The following CR1 variants were observed in gnomAD, a reference collection of about 807,000 sequenced individuals.
The protein encoded by CR1 is complement C3b/C4b receptor 1 (Knops blood group).
A neutral mutation model predicts 187.3 loss-of-function variants in CR1; 116 were observed. That is an observed-to-expected ratio of 0.62 (90% CI 0.53 to 0.72). The LOEUF (loss-of-function observed/expected upper bound fraction) is 0.72. Among genes scored for constraint, CR1 ranks in the 30% least tolerant of loss-of-function variants. CR1 has a pLI of 0.00. For missense variants in CR1, 1,731 were observed against 2,110.7 expected, an observed-to-expected ratio of 0.82 and a Z score of 3.52; for synonymous variants, 576 against 747.1, an observed-to-expected ratio of 0.77 and a Z score of 3.73.
chr1:207,637,205 T>C (rs1482641204), intron 46 of CR1, among the ~76,000 whole-genome samples: 1 of 152,118 alleles, frequency 6.6e-6, no homozygotes, highest in African/African-American at 2.4e-5. Flanking sequence ...AGACTGTAAT[T>C]TTTTAGCTTA....
chr1:207,596,263 A>G (rs558605715), intron 35 of CR1, among the ~76,000 whole-genome samples: 2 of 152,184 alleles, frequency 1.3e-5, no homozygotes, highest in South Asian at 4.1e-4. Flanking sequence ...TCTTTCTAAT[A>G]TAATAAATAT....
rs750106511 is a variant in CR1 at position 207,564,227 on chromosome 1, G to A, written c.3859G>A (p.Asp1287Asn). 6.4e-7 allele frequency: 1 copy of A among 1,555,058 alleles called. No individual in the cohort carries two copies. Among genetic ancestry groups the A allele is most frequent in the Non-Finnish European group, 8.7e-7 (1 of 1,152,142 alleles). The change falls in exon 23 of 47, where the codon GAT becomes AAT. Residue 1287 changes from aspartate (D) to asparagine (N), a missense_variant. Transcript: ENST00000367049. Reference sequence around the variant, plus strand: ...TGGAGCAAAAGTGGATTTTGTTTGTGATGAAGGGTGAGTATGAGCTTGCCT... The same window carrying A: ...TGGAGCAAAAGTGGATTTTGTTTGTAATGAAGGGTGAGTATGAGCTTGCCT... ...QLGAKVDFVC[D>N]EGFQLKGSSA... is the part of the protein sequence containing the mutation.
At chr1:207,575,860 C>CTT (rs376519988) in intron 28 of CR1, among the ~76,000 whole-genome samples, 180 bp downstream of exon 28, 1 of 150,480 alleles carries the variant, frequency 6.6e-6, no homozygotes, top group African/African-American at 2.4e-5. Flanking sequence ...CCTAGAAATG[C>CTT]TTTTTTTTTT....
intron 23 of CR1, 134 bp from the exon 24 acceptor site, chr1:207,565,704 G>A: frequency 8.6e-7 from 1 of 1,162,910 alleles, no homozygotes; most frequent in African/African-American, 1.6e-5. Context: ...TCCAGAATAA[G>A]GTAGCCTGTG....
In CR1 at chr1:207,497,299, A is replaced by G. The variant is rs1659118961; in HGVS notation, c.121+911A>G. 2.0e-5 allele frequency among the ~76,000 whole-genome samples: 3 copies of G among 152,298 alleles called. No individual in the cohort carries two copies. In the South Asian group the frequency reaches 6.2e-4, roughly 32 times the overall value. ...ATCTCTTCCTTTTTCTTAACTTCAA[A>G]TAGGTAAACATCTTCAGTTAGAACC... On this transcript the variant is annotated intron_variant, in intron 1 of 46. Transcript: ENST00000367049.
In CR1 at chr1:207,577,825, C is replaced by T. The variant is rs756968920; in HGVS notation, c.4558C>T (p.Pro1520Ser). The change falls in exon 29 of 47, where the codon CCA (proline) becomes TCA (serine). Residue 1520 changes from proline (P) to serine (S), a missense_variant. This residue lies in a region of CR1 where 1,312 missense variants were observed against 1,379.6 expected (regional missense o/e 0.95). Transcript: ENST00000367049. The stretch of plus-strand genomic sequence containing the variant: ...TCCAGGAATTCCTTGTGGGCTACCC[C>T]CAACCATCGCCAATGGAGATTTCAT... ...ICQRIPCGLP[P>S]TIANGDFIST... 1.9e-6 allele frequency: 3 copies of T among 1,613,752 alleles called. No individual in the cohort carries two copies. Among genetic ancestry groups the T allele is most frequent in the African/African-American group, 2.7e-5 (2 of 74,900 alleles).
chr1:207,624,825 T>A (rs897433828), intron 45 of CR1, among the ~76,000 whole-genome samples: 4 of 152,194 alleles, frequency 2.6e-5, no homozygotes, highest in Non-Finnish European at 4.4e-5. Flanking sequence ...GTTAATTTTT[T>A]AAAAAATTAC....
intron 43 of CR1, among the ~76,000 whole-genome samples, chr1:207,620,360 G>T (rs1452805350): frequency 6.6e-6 from 1 of 152,200 alleles, no homozygotes; most frequent in Admixed American, 6.5e-5. Context: ...AATGTTTTCA[G>T]CATGAGTTAG....
rs6675414 is a variant in CR1, at chr1:207,513,780, C to T, written c.487+2126C>T. ...CCTCCCTCCCTTCCTTCCTTCCTTC[C>T]TTCTTTCCTTCCTTCCTTCCTTCCT... On this transcript the variant is annotated intron_variant, in intron 4 of 46. Coordinates refer to ENST00000367049, the MANE Select transcript of CR1 (RefSeq NM_000651.6). Among the ~76,000 whole-genome samples the T allele has an allele frequency of 1.2e-3, 151 of 123,362 alleles. 1 individual carries two copies. The highest frequency in any genetic ancestry group is 4.5e-3 in the African/African-American group (140 of 30,810). The allele number at this position is 123,362 out of a possible 152,430, so 80.9% of individuals were successfully genotyped here.
intron 45 of CR1, among the ~76,000 whole-genome samples, chr1:207,626,906 C>G (rs1302724787): frequency 6.6e-6 from 1 of 152,130 alleles, no homozygotes; most frequent in Non-Finnish European, 1.5e-5. Context: ...GGTGTAGTGG[C>G]ACATGCCTGT....
In CR1 at chr1:207,639,643, GT is replaced by G. The variant is rs1317302671; in HGVS notation, c.*235del. The stretch of plus-strand genomic sequence containing the variant: ...TTCTGCCTCGTGCTAAACGCACACA[GT>G]ATCTAGTCAGGGGAAAAGACTGCAT... On this transcript the variant is annotated 3_prime_UTR_variant, in exon 47 of 47. Coordinates refer to ENST00000367049, the MANE Select transcript of CR1 (RefSeq NM_000651.6). 28 of 471,240 alleles carry G rather than the reference GT, an allele frequency of 5.9e-5. No homozygotes were observed. Among genetic ancestry groups the G allele is most frequent in the Non-Finnish European group, 3.8e-6 (1 of 263,496 alleles). 29.2% of individuals were successfully genotyped at this position (471,240 alleles called of 1,614,324 possible).
chr1:207,580,915 A>T (rs1296072958), intron 31 of CR1, among the ~76,000 whole-genome samples: 1 of 152,200 alleles, frequency 6.6e-6, no homozygotes, highest in Non-Finnish European at 1.5e-5. Context: ...TATCTGAAAC[A>T]ATGATTGGAA....
intron 27 of CR1, among the ~76,000 whole-genome samples, chr1:207,572,573 T>A (rs1231909342): frequency 5.9e-5 from 9 of 151,744 alleles, no homozygotes; most frequent in African/African-American, 2.2e-4. Context: ...TTAGACTCAC[T>A]GAGAAATCAA....
At chr1:207,513,716 TTCCCTCCCTCCCTCCTTTCCTCCC>T (rs1659692089) in intron 4 of CR1, among the ~76,000 whole-genome samples, 1 of 142,608 alleles carries the variant, frequency 7.0e-6, no homozygotes, top group Non-Finnish European at 1.5e-5. Context: ...CTTTCTTTCC[TTCCCTCCCTCCCTCCTTTCCTCCC>T]TCCCTCCCTC....
At chr1:207,514,648 T>C (rs1396241971) in intron 4 of CR1, among the ~76,000 whole-genome samples, 1 of 152,130 alleles carries the variant, frequency 6.6e-6, no homozygotes, top group Non-Finnish European at 1.5e-5. Flanking sequence ...GCAGCCCAAA[T>C]AGACTAAGAC....
intron 3 of CR1, among the ~76,000 whole-genome samples, chr1:207,509,431 G>C (rs1977464): frequency 0.068 from 10,076 of 148,344 alleles, 1,125 homozygotes; most frequent in African/African-American, 0.24. Flanking sequence ...CATGGATTTT[G>C]TCTCTCTGCC....
intron 37 of CR1, 34 bp from the exon 38 acceptor site, chr1:207,611,643 T>A (rs1661932403): frequency 1.2e-6 from 2 of 1,610,712 alleles, no homozygotes; most frequent in Non-Finnish European, 1.7e-6. Context: ...TTGCCCCATA[T>A]CTAACAAGTG....
intron 1 of CR1, among the ~76,000 whole-genome samples, chr1:207,505,124 G>C (rs893483792): frequency 6.6e-6 from 1 of 152,138 alleles, no homozygotes; most frequent in Non-Finnish European, 1.5e-5. Flanking sequence ...GCTAAAAAGG[G>C]ACTACTGTTG....
At chr1:207,609,219 T>C in intron 36 of CR1, 71 bp from the exon 37 acceptor site, 3 of 1,304,896 alleles carry the variant, frequency 2.3e-6, no homozygotes, top group Non-Finnish European at 3.1e-6. Context: ...TTGCATTTGG[T>C]ATTTAAATTC....
Sources: allele counts gnomAD v4.1 joint callset (sites outside exome capture counted in the v4.1 genomes callset), GRCh38; gene constraint gnomAD v4.1.1; regional missense constraint gnomAD v4.1.1; transcripts MANE v1.5; gene names NCBI Gene and HGNC (gene_info 2026-07-23, HGNC 2026-07-21).